NBEAL2: variants seen among roughly 807,000 people sequenced by gnomAD.
The protein encoded by NBEAL2 is neurobeachin like 2.
Under a neutral mutation model 299.8 loss-of-function variants are expected in NBEAL2, and 160 were observed. That is an observed-to-expected ratio of 0.53 (90% CI 0.47 to 0.61). The LOEUF (loss-of-function observed/expected upper bound fraction) is 0.61, where lower values mean the gene tolerates loss of function less well. Among genes scored for constraint, NBEAL2 ranks in the 20% least tolerant of loss-of-function variants. The probability of loss-of-function intolerance (pLI) is 0.00; values close to 1 mark genes in which losing one functional copy is unlikely to be tolerated. For synonymous variants in NBEAL2, 1,493 were observed against 1,542.3 expected (o/e 0.97, Z 0.75); for missense variants, 3,112 against 3,649.0 (o/e 0.85, Z 3.79).
Position 46,999,342 on chromosome 3 carries a change from C to A in NBEAL2, c.3571C>A (p.Arg1191=), listed in dbSNP as rs769385660. ...KILRRLQQNE[R]LPERSRQRLR... ...CCTGCGCAGACTGCAGCAGAATGAG[C>A]GGCTACCTGAGCGGAGCCGCCAGCG... The change falls in exon 25 of 54, where the codon CGG becomes AGG. Residue 1191 remains arginine (R), a synonymous_variant. Transcript: ENST00000450053. 40 of 1,610,532 alleles carry A rather than the reference C, an allele frequency of 2.5e-5. No individual in the cohort carries two copies. The highest frequency in any genetic ancestry group is 3.0e-5 in the Non-Finnish European group (35 of 1,179,076).
chr3:47,005,160 C>CA (rs1219014635), intron 39 of NBEAL2, 21 bp from the exon 40 acceptor site: 1 of 1,613,672 alleles, frequency 6.2e-7, no homozygotes, highest in Non-Finnish European at 8.5e-7. Flanking sequence ...CTTCTGCTGA[C>CA]ACGTCCAACT....
In NBEAL2 at chr3:47,002,782, A is replaced by T. The variant is rs775505666; in HGVS notation, c.5439A>T (p.Pro1813=). Residue 1813 remains proline (P), a synonymous_variant, in exon 33 of 54, where the codon CCA becomes CCT. Coordinates refer to ENST00000450053, the MANE Select transcript of NBEAL2 (RefSeq NM_015175.3). ...WGALWRQLAS[P]CGAWALRDTP... Reference sequence around the variant, plus strand: ...CGCTGTGGCGCCAGCTCGCCAGCCCATGTGGGGCCTGGGCGCTGAGGTGGG... The same window carrying T: ...CGCTGTGGCGCCAGCTCGCCAGCCCTTGTGGGGCCTGGGCGCTGAGGTGGG... The T allele has an allele frequency of 1.5e-6, 2 of 1,324,084 alleles. No individual in the cohort carries two copies. The highest frequency in any genetic ancestry group is 1.2e-5 in the South Asian group (1 of 84,034). The allele number at this position is 1,324,084 out of a possible 1,614,324, so 82.0% of individuals were successfully genotyped here.
intron 10 of NBEAL2, among the ~76,000 whole-genome samples, chr3:46,992,770 G>A (rs763406258): frequency 2.0e-5 from 3 of 152,194 alleles, no homozygotes; most frequent in Non-Finnish European, 4.4e-5. Flanking sequence ...GTTTGATTGG[G>A]TGTTGGGGGT....
Position 47,009,589 on chromosome 3 carries a change from TC to T in NBEAL2, c.*273del. 1 of 471,354 alleles carries T rather than the reference TC, an allele frequency of 2.1e-6. No homozygotes were observed. The highest frequency in any genetic ancestry group is 3.8e-6 in the Non-Finnish European group (1 of 266,174). 29.2% of individuals were successfully genotyped at this position (471,354 alleles called of 1,614,324 possible). A position where few individuals can be genotyped will look rare whatever the true frequency, so the allele number is the denominator to read the frequency against. The stretch of plus-strand genomic sequence containing the variant: ...CTTTTTGCACAGTCTGGGGCGGGGT[TC>T]CCCGGCTTCCAAGTCGCTGTTTCGT... On this transcript the variant is annotated 3_prime_UTR_variant, in exon 54 of 54. Coordinates refer to ENST00000450053, the MANE Select transcript of NBEAL2 (RefSeq NM_015175.3).
intron 11 of NBEAL2, 106 bp from the exon 12 acceptor site, chr3:46,994,349 G>A (rs539057659): frequency 9.4e-6 from 10 of 1,058,298 alleles, no homozygotes; most frequent in African/African-American, 6.3e-5. Context: ...GCAGAGCTAC[G>A]CAAGGGAACC....
chr3:46,994,027 C>T lies in NBEAL2; in HGVS notation c.1197+7C>T. 5 of 1,606,470 alleles carry T rather than the reference C, an allele frequency of 3.1e-6. No homozygotes were observed. The highest frequency in any genetic ancestry group is 3.4e-6 in the Non-Finnish European group (4 of 1,176,618). ...TGACTCCCCCTCGGCCAAGGTGAGG[C>T]TGCTGCACTGCAGCTTTAGTAGGGG... On this transcript the variant is annotated splice_region_variant and intron_variant, in intron 11 of 53. Coordinates refer to ENST00000450053, the MANE Select transcript of NBEAL2 (RefSeq NM_015175.3).
In NBEAL2 at chr3:47,008,437, C is replaced by G. The variant is rs539191282; in HGVS notation, c.7874C>G (p.Ala2625Gly). 1 of 1,611,632 alleles carries G rather than the reference C, an allele frequency of 6.2e-7. No homozygotes were observed. The highest frequency in any genetic ancestry group is 2.2e-5 in the East Asian group (1 of 44,822). The change falls in exon 51 of 54, where the codon GCC (alanine) becomes GGC (glycine). Residue 2625 changes from alanine to glycine, a missense_variant. This residue lies in a region of NBEAL2 where 348 missense variants were observed against 381.4 expected (regional missense o/e 0.91). Transcript: ENST00000450053. ...AGCTCAGCGTGGGAACGTCCTGGGG[C>G]CCAGGTATGGGGAAGGGGTGCCCAG... Reference protein sequence around the residue: ...VQSSAWERPGAQVTYSLHLYS... With the variant: ...VQSSAWERPGGQVTYSLHLYS...
Position 46,994,472 on chromosome 3 carries a change from C to T in NBEAL2, c.1215C>T (p.Arg405=), listed in dbSNP as rs1356066025. 2.5e-6 allele frequency: 4 copies of T among 1,594,754 alleles called. No homozygotes were observed. In the South Asian group the frequency reaches 3.4e-5, roughly 14 times the overall value. ...TTACACAGGAGGTGTTTAAGGAGCG[C>T]ATCGGCTACCCTCACCTGCAGGAGG... ...SPSAKEVFKE[R]IGYPHLQEVL... Residue 405 remains arginine, a synonymous_variant, in exon 12 of 54, where the codon CGC becomes CGT. Coordinates refer to ENST00000450053, the MANE Select transcript of NBEAL2 (RefSeq NM_015175.3).
Position 46,998,460 on chromosome 3 carries a change from C to T in NBEAL2, c.3119-3C>T, listed in dbSNP as rs1395575210. 5.6e-6 allele frequency: 9 copies of T among 1,611,504 alleles called. No individual in the cohort carries two copies. The highest frequency in any genetic ancestry group is 7.6e-6 in the Non-Finnish European group (9 of 1,178,990). On this transcript the variant is annotated splice_region_variant and splice_polypyrimidine_tract_variant and intron_variant, in intron 21 of 53. Coordinates refer to ENST00000450053, the MANE Select transcript of NBEAL2 (RefSeq NM_015175.3). ...CCTGAGCCCTCTGCTCATTCCCGCT[C>T]AGGTCACATCCAGTACATGTCCAGC...
At position 47,002,958 on chromosome 3, in the gene NBEAL2, G is replaced by A; in HGVS notation, c.5461G>A (p.Asp1821Asn). Residue 1821 changes from aspartate (D) to asparagine (N), a missense_variant and splice_region_variant, in exon 34 of 54, where the codon GAC becomes AAC. By Grantham distance (23) the Asp-to-Asn change is conservative (BLOSUM62 1). Coordinates refer to ENST00000450053, the MANE Select transcript of NBEAL2 (RefSeq NM_015175.3). ...ASPCGAWALR[D>N]TPIPRWKLSS... ...CATGACCTGGGGGACATTCTGCAGG[G>A]ACACTCCCATCCCCCGCTGGAAACT... 1 of 1,612,928 alleles carries A rather than the reference G, an allele frequency of 6.2e-7. No individual in the cohort carries two copies. The highest frequency in any genetic ancestry group is 8.5e-7 in the Non-Finnish European group (1 of 1,179,788).
At position 46,996,417 on chromosome 3, in the gene NBEAL2, T is replaced by C. The variant is rs2036504645; in HGVS notation, c.2298T>C (p.Leu766=). The C allele has an allele frequency of 3.1e-6, 5 of 1,610,708 alleles. No homozygotes were observed. In the South Asian group the frequency reaches 5.5e-5, roughly 18 times the overall value. Residue 766 remains leucine, a synonymous_variant, in exon 16 of 54, where the codon CTT becomes CTC. Transcript: ENST00000450053. ...AGTCAGTCCCAGCCTCCACAGGGCT[T>C]GGCTGGGGGTCCGGGCTGGTGGCCC... is the stretch of plus-strand genomic sequence containing the variant. ...RSQSVPASTG[L]GWGSGLVAPL...
At chr3:47,006,953 C>T in intron 45 of NBEAL2, 113 bp from the exon 46 acceptor site, 1 of 848,492 alleles carries the variant, frequency 1.2e-6, no homozygotes, top group Non-Finnish European at 1.8e-6. Flanking sequence ...ATCTGTGACA[C>T]CTACTCTATG....
At position 47,003,328 on chromosome 3, in the gene NBEAL2, A is replaced by C; in HGVS notation, c.5720+19A>C. ...AGACCCCGTGAGTGGGGCCCTGGAG[A>C]GATTGGACTGGTGTGGTGGGCAAGG... On this transcript the variant is annotated intron_variant, in intron 35 of 53. Coordinates refer to ENST00000450053, the MANE Select transcript of NBEAL2 (RefSeq NM_015175.3). The surrounding 1 kb of genome is among the most constrained non-coding windows in gnomAD (Gnocchi z 7.0). The C allele has an allele frequency of 1.9e-6, 3 of 1,606,776 alleles. No individual in the cohort carries two copies. Among genetic ancestry groups the C allele is most frequent in the Middle Eastern group, 1.7e-4 (1 of 5,814 alleles).
chr3:47,000,916 C>T lies in NBEAL2; in HGVS notation c.4306-85C>T. On this transcript the variant is annotated intron_variant, in intron 27 of 53. Coordinates refer to ENST00000450053, the MANE Select transcript of NBEAL2 (RefSeq NM_015175.3). This position sits in a 1 kb window ranked among gnomAD's most constrained non-coding sequence, Gnocchi z 4.5. ...CTGGGTGGCTACCCCAGGAGGGGTGCTGAGTGGGGATGGGTGGGCGTCAGC... is the reference window on the plus strand; with the variant it reads ...CTGGGTGGCTACCCCAGGAGGGGTGTTGAGTGGGGATGGGTGGGCGTCAGC... The T allele has an allele frequency of 6.5e-7, 1 of 1,536,568 alleles. No homozygotes were observed. The highest frequency in any genetic ancestry group is 8.8e-7 in the Non-Finnish European group (1 of 1,137,114).
intron 52 of NBEAL2, 33 bp from the exon 53 acceptor site, chr3:47,008,956 C>T (rs1302607754): frequency 1.9e-6 from 3 of 1,598,306 alleles, no homozygotes; most frequent in East Asian, 2.2e-5. Context: ...CCCTTGCAGT[C>T]GCAAGTTGGT....
Position 47,001,643 on chromosome 3 carries a change from T to G in NBEAL2, c.4645-46T>G. The G allele has an allele frequency of 1.9e-6, 3 of 1,601,736 alleles. No homozygotes were observed. The highest frequency in any genetic ancestry group is 2.6e-6 in the Non-Finnish European group (3 of 1,170,778). On this transcript the variant is annotated intron_variant, in intron 29 of 53. Coordinates refer to ENST00000450053, the MANE Select transcript of NBEAL2 (RefSeq NM_015175.3). The surrounding 1 kb of genome is among the most constrained non-coding windows in gnomAD (Gnocchi z 6.1). ...ACTTTGCTCCCTTTCCATGGACTCC[T>G]GGCCTCCCCTGGTGATGTCTGTTGG...
chr3:47,005,204 C>T lies in NBEAL2; in HGVS notation c.6443C>T (p.Ala2148Val). The T allele has an allele frequency of 6.2e-7, 1 of 1,613,816 alleles. No individual in the cohort carries two copies. Among genetic ancestry groups the T allele is most frequent in the East Asian group, 2.2e-5 (1 of 44,886 alleles). Residue 2148 changes from alanine (A) to valine (V), a missense_variant, in exon 40 of 54, where the codon GCA becomes GTA. Physicochemically the swap from Ala to Val is moderately conservative, Grantham distance 64. Transcript: ENST00000450053. ...REKYESFEDPAGTIDKFHYGT... is the reference protein window; with the variant it reads ...REKYESFEDPVGTIDKFHYGT... ...AGGTATGAAAGCTTTGAGGACCCAG[C>T]AGGGACCATTGACAAGTTCCACTAT...
chr3:46,980,860 G>A (rs145144141), intron 1 of NBEAL2, among the ~76,000 whole-genome samples: 13 of 152,284 alleles, frequency 8.5e-5, no homozygotes, highest in African/African-American at 3.1e-4. Flanking sequence ...CACCTGCCTG[G>A]CATCATGCTC....
chr3:46,989,713 A>G lies in NBEAL2; in HGVS notation c.556+120A>G. 1.1e-6 allele frequency: 1 copy of G among 893,924 alleles called. No homozygotes were observed. The allele number at this position is 893,924 out of a possible 1,614,324, so 55.4% of individuals were successfully genotyped here. On this transcript the variant is annotated intron_variant, in intron 6 of 53. Coordinates refer to ENST00000450053, the MANE Select transcript of NBEAL2 (RefSeq NM_015175.3). This position sits in a 1 kb window ranked among gnomAD's most constrained non-coding sequence, Gnocchi z 5.5. ...TGGTGGCTGCATGCAGGACTGGGAG[A>G]ACCAAAGACCAAGCAAGAGTTTAGG...
Sources: allele counts gnomAD v4.1 joint callset (sites outside exome capture counted in the v4.1 genomes callset), GRCh38; gene constraint gnomAD v4.1.1; regional missense constraint gnomAD v4.1.1; non-coding constraint Gnocchi (gnomAD v3.1); transcripts MANE v1.5; gene names NCBI Gene and HGNC (gene_info 2026-07-23, HGNC 2026-07-21).